VEGFC: variants seen among roughly 807,000 people sequenced by gnomAD.
The protein encoded by VEGFC is vascular endothelial growth factor C, also known as FLT4 ligand DHM.
In VEGFC, 12 loss-of-function variants were observed where a neutral mutation model predicts 46.1. The ratio of observed to expected loss-of-function variants is 0.26; its 90% CI spans 0.17 to 0.42. The LOEUF (loss-of-function observed/expected upper bound fraction) is 0.42, where lower values mean the gene tolerates loss of function less well. Among genes scored for constraint, VEGFC ranks in the 10% least tolerant of loss-of-function variants. The pLI, the probability that VEGFC is intolerant of heterozygous loss-of-function variation, is 1.00. For missense variants in VEGFC, 488 were observed against 529.4 expected, an observed-to-expected ratio of 0.92 and a Z score of 0.77; for synonymous variants, 232 against 195.5, an observed-to-expected ratio of 1.19 and a Z score of -1.56.
chr4:176,747,580 C>T (rs1388598282), intron 1 of VEGFC, among the ~76,000 whole-genome samples: 2 of 151,962 alleles, frequency 1.3e-5, no homozygotes, highest in African/African-American at 2.4e-5. Flanking sequence ...CTGCTTGAGC[C>T]TAGGAGTTCA....
intron 1 of VEGFC, among the ~76,000 whole-genome samples, chr4:176,757,239 G>C (rs1452825479): frequency 3.3e-5 from 5 of 151,914 alleles, no homozygotes; most frequent in Admixed American, 3.3e-4. Context: ...GTGAATGTTA[G>C]GGGCCATAAA....
At chr4:176,684,093 A>G in intron 6 of VEGFC, 53 bp from the exon 7 acceptor site, 2 of 1,261,692 alleles carry the variant, frequency 1.6e-6, no homozygotes, top group South Asian at 2.4e-5. Flanking sequence ...CAATGGATTC[A>G]TCATGCTACC....
intron 1 of VEGFC, among the ~76,000 whole-genome samples, chr4:176,762,585 T>G (rs780263656): frequency 9.2e-5 from 14 of 152,198 alleles, no homozygotes; most frequent in Non-Finnish European, 1.5e-4. Flanking sequence ...AAATCAGACT[T>G]AAGACATTTC....
At chr4:176,737,647 T>C (rs932498410) in intron 1 of VEGFC, among the ~76,000 whole-genome samples, 9 of 151,768 alleles carry the variant, frequency 5.9e-5, no homozygotes, top group African/African-American at 1.9e-4. Context: ...ATATTAACTA[T>C]TGTAGGATAA....
At chr4:176,729,316 A>G (rs1734922576) in intron 2 of VEGFC, among the ~76,000 whole-genome samples, 1 of 152,208 alleles carries the variant, frequency 6.6e-6, no homozygotes, top group African/African-American at 2.4e-5. Context: ...TGTGTTGTTT[A>G]TGCATGGACC....
chr4:176,783,077 G>T lies in VEGFC; in HGVS notation c.147+9088C>A, dbSNP rs191925250. On this transcript the variant is annotated intron_variant, in intron 1 of 6. Coordinates refer to ENST00000618562, the MANE Select transcript of VEGFC (RefSeq NM_005429.5). ...AAGTCACAGCACTGACTGGCAAATT[G>T]ACAAAGAGAACCACCAAACAAAATC... is the stretch of plus-strand genomic sequence containing the variant. 5.3e-4 allele frequency among the ~76,000 whole-genome samples: 80 copies of T among 152,250 alleles called. 1 individual carries two copies. The highest frequency in any genetic ancestry group is 1.9e-3 in the African/African-American group (78 of 41,560).
intron 1 of VEGFC, among the ~76,000 whole-genome samples, chr4:176,753,217 G>A (rs562959778): frequency 6.6e-6 from 1 of 152,190 alleles, no homozygotes; most frequent in East Asian, 1.9e-4. Flanking sequence ...CTATTTTGGG[G>A]AGGGCCAGGA....
At chr4:176,736,279 C>G (rs933483649) in intron 1 of VEGFC, among the ~76,000 whole-genome samples, 1 of 151,712 alleles carries the variant, frequency 6.6e-6, no homozygotes, top group African/African-American at 2.4e-5. Context: ...TATAAATATC[C>G]TATAGGTAAA....
Position 176,792,196 on chromosome 4 carries a change from G to C in VEGFC, c.116C>G (p.Ser39Trp). The C allele has an allele frequency of 6.5e-7, 1 of 1,541,992 alleles. No individual in the cohort carries two copies. The highest frequency in any genetic ancestry group is 8.7e-7 in the Non-Finnish European group (1 of 1,148,612). ...CTCGCCCGCGTCGGGCTCCGCGTCC[G>C]AGAGGTCGAGTCCGGACTCGAAGGC... Reference protein sequence around the residue: ...AAAFESGLDLSDAEPDAGEAT... With the variant: ...AAAFESGLDLWDAEPDAGEAT... The change falls in exon 1 of 7, where the codon TCG becomes TGG. Residue 39 changes from serine to tryptophan, a missense_variant. Physicochemically the swap from Ser to Trp is radical, Grantham distance 177 (BLOSUM62 -3). Coordinates refer to ENST00000618562, the MANE Select transcript of VEGFC (RefSeq NM_005429.5). This position sits in a 1 kb window ranked among gnomAD's most constrained non-coding sequence, Gnocchi z 6.3.
At chr4:176,706,042 T>A (rs767987558) in intron 4 of VEGFC, 2 of 152,212 alleles carry the variant, frequency 1.3e-5, no homozygotes, top group Non-Finnish European at 2.9e-5. Flanking sequence ...GTATTACGAA[T>A]GGAGCCACCG....
intron 1 of VEGFC, among the ~76,000 whole-genome samples, chr4:176,751,409 A>G (rs1735340347): frequency 6.6e-6 from 1 of 152,048 alleles, no homozygotes; most frequent in Non-Finnish European, 1.5e-5. Context: ...CACATAATTG[A>G]CAAAGGATTA....
chr4:176,714,265 C>T (rs1186746203), intron 3 of VEGFC, among the ~76,000 whole-genome samples: 2 of 152,088 alleles, frequency 1.3e-5, no homozygotes, highest in African/African-American at 2.4e-5. Context: ...TTAGTTCATG[C>T]TAGAGCTGGT....
At chr4:176,755,237 G>A (rs952073869) in intron 1 of VEGFC, among the ~76,000 whole-genome samples, 2 of 152,032 alleles carry the variant, frequency 1.3e-5, no homozygotes, top group Non-Finnish European at 2.9e-5. Context: ...ACTTTCAACT[G>A]TTATCATCTC....
intron 4 of VEGFC, among the ~76,000 whole-genome samples, chr4:176,701,742 T>G (rs2110987198): frequency 6.6e-6 from 1 of 152,226 alleles, no homozygotes; most frequent in East Asian, 1.9e-4. Flanking sequence ...ATTTCAAAAA[T>G]AACCGTATAT....
At chr4:176,791,799 C>T (rs1579147640) in intron 1 of VEGFC, among the ~76,000 whole-genome samples, 1 of 152,260 alleles carries the variant, frequency 6.6e-6, no homozygotes, top group East Asian at 1.9e-4. Flanking sequence ...CATGAATCAG[C>T]TGGGGAAAGA....
At chr4:176,755,760 A>C (rs118030680) in intron 1 of VEGFC, among the ~76,000 whole-genome samples, 1 of 152,138 alleles carries the variant, frequency 6.6e-6, no homozygotes, top group East Asian at 1.9e-4. Flanking sequence ...TATTCAACCC[A>C]TACGTTAATT....
intron 1 of VEGFC, among the ~76,000 whole-genome samples, chr4:176,777,042 G>A (rs568375931): frequency 1.3e-5 from 2 of 152,140 alleles, no homozygotes; most frequent in African/African-American, 2.4e-5. Context: ...GGCCGGGTGC[G>A]GTAGCTCACG....
At chr4:176,718,531 TAA>T (rs1240706331) in intron 3 of VEGFC, among the ~76,000 whole-genome samples, 3 of 152,156 alleles carry the variant, frequency 2.0e-5, no homozygotes, top group Non-Finnish European at 4.4e-5. Flanking sequence ...TATTGCTTTA[TAA>T]AATAATGAAA....
At chr4:176,743,693 A>T (rs1255897839) in intron 1 of VEGFC, among the ~76,000 whole-genome samples, 1 of 151,580 alleles carries the variant, frequency 6.6e-6, no homozygotes, top group Non-Finnish European at 1.5e-5. Flanking sequence ...CAGCAGTGGC[A>T]TGTTATTTTA....
Sources: gnomAD v4.1 joint callset for allele counts (sites outside exome capture counted in the v4.1 genomes callset) on GRCh38, gnomAD v4.1.1 for gene constraint, Gnocchi (gnomAD v3.1) non-coding constraint, MANE v1.5 for transcripts, NCBI Gene and HGNC (gene_info 2026-07-23, HGNC 2026-07-21) for gene names.